The following CCSER2 variants were observed in gnomAD, a reference collection of about 807,000 sequenced individuals.
CCSER2 encodes the protein serine-rich coiled-coil domain-containing protein 2.
A neutral mutation model predicts 92.3 loss-of-function variants in CCSER2; 46 were observed. The ratio of observed to expected loss-of-function variants is 0.50; its 90% CI spans 0.39 to 0.64. The LOEUF (loss-of-function observed/expected upper bound fraction) is 0.64, where lower values mean the gene tolerates loss of function less well. Among genes scored for constraint, CCSER2 ranks in the 30% least tolerant of loss-of-function variants. CCSER2 has a pLI of 0.00. For synonymous variants in CCSER2, 433 were observed against 431.4 expected, an observed-to-expected ratio of 1.00 and a Z score of -0.04; for missense variants, 1,244 against 1,238.9, an observed-to-expected ratio of 1.00 and a Z score of -0.06.
At chr10:84,466,508 G>GTTTTTT (rs573093442) in intron 7 of CCSER2, among the ~76,000 whole-genome samples, 1 of 138,788 alleles carries the variant, frequency 7.2e-6, no homozygotes, top group Non-Finnish European at 1.6e-5. Context: ...TGTTTTTTTG[G>GTTTTTT]TTTTTTTTTT....
chr10:84,428,985 GTATATATA>G (rs60243946), intron 5 of CCSER2, among the ~76,000 whole-genome samples: 9,270 of 140,544 alleles, frequency 0.066, 352 homozygotes, highest in Admixed American at 0.084. Flanking sequence ...GTGTGTATGT[GTATATATA>G]TATATATATA....
intron 2 of CCSER2, 44 bp downstream of exon 2, chr10:84,372,513 A>G (rs1387509862): frequency 5.6e-6 from 6 of 1,077,068 alleles, no homozygotes; most frequent in Non-Finnish European, 8.1e-6. Flanking sequence ...CTTTTAAATA[A>G]TATAACTGAA....
At chr10:84,503,252 A>G (rs902917499) in intron 9 of CCSER2, among the ~76,000 whole-genome samples, 1 of 152,100 alleles carries the variant, frequency 6.6e-6, no homozygotes, top group African/African-American at 2.4e-5. Flanking sequence ...AGGAAAATAG[A>G]GATAAATGGA....
At chr10:84,335,013 C>T (rs1287567297) in intron 1 of CCSER2, among the ~76,000 whole-genome samples, 2 of 152,186 alleles carry the variant, frequency 1.3e-5, no homozygotes, top group Non-Finnish European at 2.9e-5. Context: ...CTGCTCCCAG[C>T]TGTTCACTTT....
Position 84,465,010 on chromosome 10 carries a change from T to C in CCSER2, c.2148+994T>C, listed in dbSNP as rs959066154. Among the ~76,000 whole-genome samples the C allele has an allele frequency of 3.3e-5, 5 of 152,144 alleles. No homozygotes were observed. The East Asian group carries it at 9.6e-4, about 29-fold the overall frequency. ...TCAATCTCATTCTCTCATCTTGGCT[T>C]TTCAACTTGTTGACTACCTGTCCTT... On this transcript the variant is annotated intron_variant, in intron 7 of 9. Transcript: ENST00000372088.
At chr10:84,451,254 G>GTTTTTTTTTTTTTTT in intron 6 of CCSER2, among the ~76,000 whole-genome samples, 1 of 139,564 alleles carries the variant, frequency 7.2e-6, no homozygotes, top group Non-Finnish European at 1.6e-5. Context: ...GGTTGGTTGG[G>GTTTTTTTTTTTTTTT]TTTTTTTTTT....
At chr10:84,490,200 A>G (rs987982401) in intron 9 of CCSER2, among the ~76,000 whole-genome samples, 13 of 152,078 alleles carry the variant, frequency 8.5e-5, no homozygotes, top group African/African-American at 3.1e-4. Context: ...GCTTTGGTGA[A>G]TCTGACAATT....
chr10:84,405,064 A>G (rs1842311146), intron 3 of CCSER2, among the ~76,000 whole-genome samples: 1 of 152,194 alleles, frequency 6.6e-6, no homozygotes. Flanking sequence ...GAGGAATTGT[A>G]CTAACCCATT....
intron 4 of CCSER2, among the ~76,000 whole-genome samples, chr10:84,418,223 A>T (rs1434251404): frequency 2.0e-5 from 3 of 152,314 alleles, no homozygotes; most frequent in East Asian, 3.9e-4. Context: ...AAACACTATA[A>T]TATCTTAATT....
intron 6 of CCSER2, among the ~76,000 whole-genome samples, chr10:84,460,738 TA>T (rs1273936589): frequency 5.9e-5 from 9 of 152,138 alleles, no homozygotes; most frequent in Non-Finnish European, 7.4e-5. Context: ...CCACTTCACA[TA>T]AGTTGTCAAA....
chr10:84,432,672 G>T (rs1450589735), intron 5 of CCSER2, among the ~76,000 whole-genome samples: 1 of 152,068 alleles, frequency 6.6e-6, no homozygotes, highest in Admixed American at 6.5e-5. Context: ...TTTCCAGTCG[G>T]TGGCTTATTC....
intron 1 of CCSER2, among the ~76,000 whole-genome samples, chr10:84,344,597 A>G (rs996992658): frequency 1.3e-5 from 2 of 152,188 alleles, no homozygotes; most frequent in African/African-American, 4.8e-5. Context: ...TATTCTGTCC[A>G]GAGGATTTTC....
At chr10:84,367,418 C>T (rs760293264) in intron 1 of CCSER2, among the ~76,000 whole-genome samples, 5 of 151,502 alleles carry the variant, frequency 3.3e-5, no homozygotes, top group Non-Finnish European at 7.4e-5. Context: ...ACTCTTTCAG[C>T]CAGGCTGGAG....
intron 6 of CCSER2, among the ~76,000 whole-genome samples, chr10:84,446,774 T>G (rs914377560): frequency 1.3e-5 from 2 of 152,174 alleles, no homozygotes; most frequent in African/African-American, 2.4e-5. Context: ...GAGTTTTCCC[T>G]TGTTTTTCCT....
At position 84,425,794 on chromosome 10, in the gene CCSER2, G is replaced by A. The variant is rs1292230418; in HGVS notation, c.1769G>A (p.Gly590Asp). ...PDRNVRQPQE[G>D]FWKRPPQRWS... ...AGAAATGTTCGGCAGCCTCAGGAAGGTTTTTGGAAAAGGCCACCCCAGAGG... is the reference window on the plus strand; with the variant it reads ...AGAAATGTTCGGCAGCCTCAGGAAGATTTTTGGAAAAGGCCACCCCAGAGG... Residue 590 changes from glycine (G) to aspartate (D), a missense_variant, in exon 5 of 10, where the codon GGT becomes GAT. Physicochemically the swap from Gly to Asp is moderately conservative, Grantham distance 94. Transcript: ENST00000372088. 2 of 1,613,720 alleles carry A rather than the reference G, an allele frequency of 1.2e-6. No individual in the cohort carries two copies. The highest frequency in any genetic ancestry group is 3.3e-5 in the Admixed American group (2 of 59,976).
rs571667633 is a variant in CCSER2, at chr10:84,405,955, A to G, written c.1615-11816A>G. ...AGTCCTACTCCTGGGTATTTACCAT[A>G]GAAAAATGAGAGCTTATATTCACAC... is the stretch of plus-strand genomic sequence containing the variant. On this transcript the variant is annotated intron_variant, in intron 3 of 9. Coordinates refer to ENST00000372088, the MANE Select transcript of CCSER2 (RefSeq NM_001284240.2). Among the ~76,000 whole-genome samples, 21 of 152,322 alleles carry G rather than the reference A, an allele frequency of 1.4e-4. No homozygotes were observed. The South Asian group carries it at 4.3e-3, about 32-fold the overall frequency.
At chr10:84,339,107 T>C (rs1844020937) in intron 1 of CCSER2, among the ~76,000 whole-genome samples, 1 of 147,320 alleles carries the variant, frequency 6.8e-6, no homozygotes, top group South Asian at 2.1e-4. Context: ...TTTTTTCTTT[T>C]CTTTTCTTTT....
At chr10:84,394,387 G>A (rs1308914611) in intron 3 of CCSER2, among the ~76,000 whole-genome samples, 1 of 62,090 alleles carries the variant, frequency 1.6e-5, no homozygotes, top group African/African-American at 1.5e-4. Context: ...AGGAAAGTAT[G>A]TGTGTGTGTG....
At chr10:84,429,961 T>G (rs886216217) in intron 5 of CCSER2, among the ~76,000 whole-genome samples, 2 of 152,160 alleles carry the variant, frequency 1.3e-5, no homozygotes, top group African/African-American at 2.4e-5. Context: ...TGTGGTTGTT[T>G]ACTGACTTTT....
Sources: gnomAD v4.1 joint callset for allele counts (sites outside exome capture counted in the v4.1 genomes callset) on GRCh38, gnomAD v4.1.1 for gene constraint, MANE v1.5 for transcripts, NCBI Gene and HGNC (gene_info 2026-07-23, HGNC 2026-07-21) for gene names.